LRP1B: variants seen among roughly 807,000 people sequenced by gnomAD.
LRP1B encodes LDL receptor related protein 1B, also known as low-density lipoprotein receptor-related protein 1B.
LRP1B carries 217 observed loss-of-function variants against 556.6 expected under a neutral mutation model. The ratio of observed to expected loss-of-function variants is 0.39; its 90% CI spans 0.35 to 0.44. The LOEUF is 0.44. Ranked by LOEUF, LRP1B falls within the 20% of genes least tolerant of loss-of-function variation. LRP1B has a pLI of 1.00. For synonymous variants in LRP1B, 2,047 were observed against 1,865.8 expected (o/e 1.10, Z -2.50); for missense variants, 5,053 against 5,620.8 (o/e 0.90, Z 3.23).
intron 3 of LRP1B, among the ~76,000 whole-genome samples, chr2:141,341,848 T>C (rs1357667668): frequency 2.0e-5 from 3 of 152,162 alleles, no homozygotes. Flanking sequence ...CTGAACTGCA[T>C]AGATATAAAC....
intron 2 of LRP1B, among the ~76,000 whole-genome samples, chr2:141,658,736 A>G (rs1191129314): frequency 1.3e-5 from 2 of 152,136 alleles, no homozygotes; most frequent in Non-Finnish European, 2.9e-5. Context: ...ATTCATCAAA[A>G]TCTTATCATT....
At chr2:141,130,955 A>G (rs773434028) in intron 7 of LRP1B, among the ~76,000 whole-genome samples, 1 of 152,056 alleles carries the variant, frequency 6.6e-6, no homozygotes, top group Non-Finnish European at 1.5e-5. Flanking sequence ...GTTCTCATTC[A>G]TAAGTGGGAG....
chr2:140,271,994 G>A (rs1231678248), intron 85 of LRP1B, among the ~76,000 whole-genome samples: 1 of 151,844 alleles, frequency 6.6e-6, no homozygotes, highest in Non-Finnish European at 1.5e-5. Context: ...AAAGATAACT[G>A]TTTATCAAAT....
At chr2:141,257,106 T>A (rs1241703456) in intron 3 of LRP1B, among the ~76,000 whole-genome samples, 1 of 151,946 alleles carries the variant, frequency 6.6e-6, no homozygotes, top group African/African-American at 2.4e-5. Context: ...TTAAATTCAT[T>A]GAGAAATAAA....
chr2:141,421,188 T>C (rs139558781), intron 3 of LRP1B, among the ~76,000 whole-genome samples: 16 of 152,308 alleles, frequency 1.1e-4, no homozygotes, highest in African/African-American at 3.8e-4. Flanking sequence ...CTGATATCGC[T>C]TCTGGAGTTT....
At chr2:140,275,019 G>A (rs1231371354) in intron 84 of LRP1B, among the ~76,000 whole-genome samples, 1 of 151,916 alleles carries the variant, frequency 6.6e-6, no homozygotes, top group Non-Finnish European at 1.5e-5. Context: ...TTGGTTGTTG[G>A]ACGCCGAAAG....
chr2:141,562,166 TG>T (rs1375323859), intron 2 of LRP1B, among the ~76,000 whole-genome samples: 3 of 151,912 alleles, frequency 2.0e-5, no homozygotes, highest in Non-Finnish European at 4.4e-5. Context: ...GGATGTATAA[TG>T]GAGGCTGAGA....
intron 83 of LRP1B, among the ~76,000 whole-genome samples, chr2:140,313,012 A>T (rs900439494): frequency 6.6e-6 from 1 of 151,982 alleles, no homozygotes. Context: ...TAAACCAACA[A>T]TGAATAAATC....
intron 3 of LRP1B, among the ~76,000 whole-genome samples, chr2:141,401,175 TTA>T (rs1690440187): frequency 6.6e-6 from 1 of 152,168 alleles, no homozygotes; most frequent in South Asian, 2.1e-4. Flanking sequence ...AATTACCCTT[TTA>T]GTTTTCTTCT....
intron 25 of LRP1B, among the ~76,000 whole-genome samples, chr2:140,881,579 G>A (rs112567642): frequency 1.6e-5 from 1 of 61,454 alleles, no homozygotes; most frequent in African/African-American, 1.0e-4. Flanking sequence ...TGAATTAGTA[G>A]TTATCCAAAC....
At chr2:141,151,884 G>A (rs1228599997) in intron 7 of LRP1B, among the ~76,000 whole-genome samples, 1 of 151,910 alleles carries the variant, frequency 6.6e-6, no homozygotes, top group African/African-American at 2.4e-5. Flanking sequence ...AATCATTTTG[G>A]CTGTTTGTGG....
chr2:142,056,926 A>G (rs1322471731), intron 1 of LRP1B, among the ~76,000 whole-genome samples: 5 of 150,628 alleles, frequency 3.3e-5, no homozygotes, highest in Non-Finnish European at 7.4e-5. Context: ...ATACTCTGTT[A>G]CCTTTTCACC....
At chr2:141,415,321 AT>A (rs200477788) in intron 3 of LRP1B, among the ~76,000 whole-genome samples, 1 of 150,826 alleles carries the variant, frequency 6.6e-6, no homozygotes, top group Admixed American at 6.6e-5. Flanking sequence ...CCTCTAATCT[AT>A]TTTTTTTTCC....
chr2:142,077,885 C>T (rs1490411912), intron 1 of LRP1B, among the ~76,000 whole-genome samples: 1 of 151,982 alleles, frequency 6.6e-6, no homozygotes, highest in African/African-American at 2.4e-5. Flanking sequence ...ATATGTTTGC[C>T]CAAAGCCCCT....
At chr2:141,062,811 A>G (rs1699372239) in intron 7 of LRP1B, among the ~76,000 whole-genome samples, 1 of 151,856 alleles carries the variant, frequency 6.6e-6, no homozygotes, top group Non-Finnish European at 1.5e-5. Context: ...TAAAACATAA[A>G]TAATCAATTC....
intron 41 of LRP1B, among the ~76,000 whole-genome samples, chr2:140,649,507 T>C (rs1329956590): frequency 6.6e-6 from 1 of 152,248 alleles, no homozygotes; most frequent in African/African-American, 2.4e-5. Context: ...GCTGATTCTG[T>C]AGTTGAAAGA....
intron 27 of LRP1B, among the ~76,000 whole-genome samples, chr2:140,861,663 A>C (rs964202687): frequency 6.6e-6 from 1 of 152,222 alleles, no homozygotes; most frequent in African/African-American, 2.4e-5. Context: ...TATATTTTGT[A>C]GTAAAAAGAG....
intron 1 of LRP1B, among the ~76,000 whole-genome samples, chr2:142,015,630 C>A (rs914352266): frequency 6.6e-6 from 1 of 152,066 alleles, no homozygotes; most frequent in Admixed American, 6.5e-5. Flanking sequence ...ACTCATCTGA[C>A]AAAGGGCTAA....
intron 3 of LRP1B, among the ~76,000 whole-genome samples, chr2:141,396,920 C>T (rs1176006928): frequency 1.3e-5 from 2 of 151,766 alleles, no homozygotes; most frequent in East Asian, 1.9e-4. Context: ...TGAGACCAGC[C>T]TGACCAACTT....
Sources: allele counts gnomAD v4.1 joint callset (sites outside exome capture counted in the v4.1 genomes callset), GRCh38; gene constraint gnomAD v4.1.1; transcripts MANE v1.5; gene names NCBI Gene and HGNC (gene_info 2026-07-23, HGNC 2026-07-21).